INTS10: variants seen among roughly 807,000 people sequenced by gnomAD.
INTS10 encodes chromosome 8 open reading frame 35.
A neutral mutation model predicts 94.4 loss-of-function variants in INTS10; 44 were observed. The ratio of observed to expected loss-of-function variants is 0.47; its 90% CI spans 0.37 to 0.60. INTS10 has a LOEUF of 0.60. INTS10 is among the 20% of genes least tolerant of loss of function. INTS10 has a pLI of 0.00. For missense variants in INTS10, 797 were observed against 868.7 expected, an observed-to-expected ratio of 0.92 and a Z score of 1.04; for synonymous variants, 341 against 320.7, an observed-to-expected ratio of 1.06 and a Z score of -0.68.
intron 11 of INTS10, among the ~76,000 whole-genome samples, chr8:19,832,520 T>C (rs1434591240): frequency 6.6e-6 from 1 of 152,126 alleles, no homozygotes; most frequent in Non-Finnish European, 1.5e-5. Context: ...CACTGAACCA[T>C]GATAGCGCCA....
At chr8:19,848,268 C>T (rs548158787) in intron 16 of INTS10, among the ~76,000 whole-genome samples, 3 of 152,294 alleles carry the variant, frequency 2.0e-5, no homozygotes, top group African/African-American at 7.2e-5. Flanking sequence ...GTACACTTCT[C>T]CCCGGGGGTA....
chr8:19,830,323 G>A, intron 9 of INTS10, 83 bp from the exon 10 acceptor site: 1 of 1,227,842 alleles, frequency 8.1e-7, no homozygotes, highest in South Asian at 1.8e-5. Flanking sequence ...CATATCACGG[G>A]CCAAACTGGC....
intron 10 of INTS10, 68 bp downstream of exon 10, chr8:19,830,627 C>A: frequency 1.4e-6 from 2 of 1,427,514 alleles, no homozygotes; most frequent in South Asian, 1.3e-5. Context: ...CTTCAAATGT[C>A]AGGTCACTTA....
intron 3 of INTS10, among the ~76,000 whole-genome samples, chr8:19,820,026 A>G (rs1338867122): frequency 6.6e-6 from 1 of 152,234 alleles, no homozygotes; most frequent in African/African-American, 2.4e-5. Flanking sequence ...TGCTGTAGTC[A>G]ATCAAAGATT....
Position 19,820,822 on chromosome 8 carries a change from G to A in INTS10, c.441+304G>A, listed in dbSNP as rs1368354320. On this transcript the variant is annotated intron_variant, in intron 4 of 16. Transcript: ENST00000397977. The stretch of plus-strand genomic sequence containing the variant: ...TCTACAATGTGCTTTTGAATTTAGC[G>A]TAGAGTTTATAGTCTTAACAGATGC... The A allele has an allele frequency of 3.0e-5, 7 of 230,006 alleles. No individual in the cohort carries two copies. The South Asian group carries it at 6.4e-4, about 21-fold the overall frequency. The allele number at this position is 230,006 out of a possible 1,614,324, so 14.2% of individuals were successfully genotyped here. A position where few individuals can be genotyped will look rare whatever the true frequency, so the allele number is the denominator to read the frequency against.
rs138013451 is a variant in INTS10, at chr8:19,826,241, C to T, written c.1007-185C>T. On this transcript the variant is annotated intron_variant, in intron 8 of 16. Transcript: ENST00000397977. ...ATTAACAGGCGCATGCTACCATGCCCGGCTAATGTTTTGTATTTTTAGTAG... is the reference window on the plus strand; with the variant it reads ...ATTAACAGGCGCATGCTACCATGCCTGGCTAATGTTTTGTATTTTTAGTAG... 6.2e-3 allele frequency among the ~76,000 whole-genome samples: 945 copies of T among 152,116 alleles called. 13 individuals are homozygous for T. The highest frequency in any genetic ancestry group is 0.022 in the African/African-American group (903 of 41,492).
At chr8:19,826,803 G>C (rs867675957) in intron 9 of INTS10, among the ~76,000 whole-genome samples, 3 of 152,178 alleles carry the variant, frequency 2.0e-5, no homozygotes, top group Non-Finnish European at 2.9e-5. Flanking sequence ...GGTTGCTGCT[G>C]AGCACTTTAC....
At position 19,851,862 on chromosome 8, in the gene INTS10, T is replaced by C. The variant is rs1249698118; in HGVS notation, c.*57T>C. 6.7e-7 allele frequency: 1 copy of C among 1,482,726 alleles called. No homozygotes were observed. The highest frequency in any genetic ancestry group is 9.4e-7 in the Non-Finnish European group (1 of 1,064,632). 91.8% of individuals were successfully genotyped at this position (1,482,726 alleles called of 1,614,324 possible). The stretch of plus-strand genomic sequence containing the variant: ...CCTGTGTAATTGTAGGAGAAGACAC[T>C]CAGCAGTGATTGCCATGGCACAGAG... On this transcript the variant is annotated 3_prime_UTR_variant, in exon 17 of 17. Coordinates refer to ENST00000397977, the MANE Select transcript of INTS10 (RefSeq NM_018142.4). The surrounding 1 kb of genome is among the most constrained non-coding windows in gnomAD (Gnocchi z 5.0).
intron 7 of INTS10, 183 bp downstream of exon 7, chr8:19,824,227 C>A: frequency 2.0e-6 from 1 of 494,074 alleles, no homozygotes; most frequent in Non-Finnish European, 3.5e-6. Flanking sequence ...CACAATGGCT[C>A]ACATCTGTAA....
At chr8:19,829,002 T>TGGAAA (rs1269161771) in intron 9 of INTS10, among the ~76,000 whole-genome samples, 1 of 151,896 alleles carries the variant, frequency 6.6e-6, no homozygotes, top group Non-Finnish European at 1.5e-5. Flanking sequence ...GCTCAGAAAG[T>TGGAAA]GGAAAGGAAG....
chr8:19,832,309 C>T (rs1336691736), intron 11 of INTS10, among the ~76,000 whole-genome samples, 199 bp downstream of exon 11: 1 of 152,146 alleles, frequency 6.6e-6, no homozygotes, highest in Non-Finnish European at 1.5e-5. Flanking sequence ...TCGTGGCTTA[C>T]GCCTGTAATC....
chr8:19,828,496 AT>A (rs1165437220), intron 9 of INTS10, among the ~76,000 whole-genome samples: 13 of 152,230 alleles, frequency 8.5e-5, no homozygotes, highest in African/African-American at 2.4e-4. Flanking sequence ...GTACTTGCAC[AT>A]TTCAAAATCA....
intron 16 of INTS10, 182 bp downstream of exon 16, chr8:19,845,979 C>A (rs1421481080): frequency 4.1e-6 from 2 of 485,910 alleles, no homozygotes; most frequent in African/African-American, 3.8e-5. Flanking sequence ...AACTACATTT[C>A]TTAAAACACT....
chr8:19,828,559 G>C (rs1234840840), intron 9 of INTS10, among the ~76,000 whole-genome samples: 1 of 152,174 alleles, frequency 6.6e-6, no homozygotes, highest in Non-Finnish European at 1.5e-5. Context: ...CACCACATCT[G>C]GGGTCCTTTC....
In INTS10 at chr8:19,842,945, T is replaced by G. The variant is rs779218086; in HGVS notation, c.1719+18T>G. 9 of 1,483,374 alleles carry G rather than the reference T, an allele frequency of 6.1e-6. No individual in the cohort carries two copies. Among genetic ancestry groups the G allele is most frequent in the Non-Finnish European group, 8.5e-6 (9 of 1,062,480 alleles). 91.9% of individuals were successfully genotyped at this position (1,483,374 alleles called of 1,614,324 possible). ...GTTTTAAGGTAAGCTTAAAGTTGAT[T>G]AGCTTGAAAAAAAATGTAATTTCAA... On this transcript the variant is annotated intron_variant, in intron 14 of 16. Coordinates refer to ENST00000397977, the MANE Select transcript of INTS10 (RefSeq NM_018142.4).
At chr8:19,830,584 C>T in intron 10 of INTS10, 25 bp downstream of exon 10, 1 of 1,594,166 alleles carries the variant, frequency 6.3e-7, no homozygotes, top group Non-Finnish European at 8.5e-7. Context: ...GTCATTGGTG[C>T]TGTTTGATGT....
intron 13 of INTS10, among the ~76,000 whole-genome samples, chr8:19,839,147 CT>C (rs2067916448): frequency 6.6e-6 from 1 of 152,026 alleles, no homozygotes; most frequent in African/African-American, 2.4e-5. Context: ...TCATGACTGT[CT>C]TAGTAGATGC....
chr8:19,832,967 C>T (rs1278208528), intron 11 of INTS10, among the ~76,000 whole-genome samples: 2 of 152,156 alleles, frequency 1.3e-5, no homozygotes, highest in South Asian at 4.1e-4. Context: ...TAAAGTACCG[C>T]CAGAAAGAAC....
rs2066264294 is a variant in INTS10 at position 19,820,230 on chromosome 8, A to AAT, written c.302-148_302-147insTA. 5.6e-5 allele frequency: 35 copies of AAT among 621,444 alleles called. No homozygotes were observed. In the Admixed American group the frequency reaches 1.2e-3, roughly 22 times the overall value. 38.5% of individuals were successfully genotyped at this position (621,444 alleles called of 1,614,324 possible). A position where few individuals can be genotyped will look rare whatever the true frequency, so the allele number is the denominator to read the frequency against. On this transcript the variant is annotated intron_variant, in intron 3 of 16. Coordinates refer to ENST00000397977, the MANE Select transcript of INTS10 (RefSeq NM_018142.4). ...CTGTGCCAGATACTATTGGCTCCAA[A>AAT]AGGCTGCCAGGTTGTAGGTGAAACT...
Sources: allele counts gnomAD v4.1 joint callset (sites outside exome capture counted in the v4.1 genomes callset), GRCh38; gene constraint gnomAD v4.1.1; non-coding constraint Gnocchi (gnomAD v3.1); transcripts MANE v1.5; gene names NCBI Gene and HGNC (gene_info 2026-07-23, HGNC 2026-07-21).